PGPEP1L: variants seen among roughly 807,000 people sequenced by gnomAD.
PGPEP1L encodes the protein pyroglutamyl-peptidase I like.
PGPEP1L carries 7 observed loss-of-function variants against 6.0 expected under a neutral mutation model. That is an observed-to-expected ratio of 1.17 (90% CI 0.66 to 2.19). The LOEUF is 2.19. PGPEP1L is among the 30% of genes most tolerant of loss of function. The pLI, the probability that PGPEP1L is intolerant of heterozygous loss-of-function variation, is 0.00. For synonymous variants in PGPEP1L, 103 were observed against 83.9 expected (o/e 1.23, Z -1.24); for missense variants, 209 against 192.5 (o/e 1.09, Z -0.51).
Position 98,968,254 on chromosome 15 carries a change from T to C in PGPEP1L, c.*224A>G. On this transcript the variant is annotated 3_prime_UTR_variant, in exon 5 of 5. Transcript: ENST00000535714. ...TGACTCGGATTTCATTTTATTGTCA[T>C]GAAAACCATAACTGAAGCTAGTTCA... The C allele has an allele frequency of 1.7e-6, 1 of 571,772 alleles. No individual in the cohort carries two copies. The allele number at this position is 571,772 out of a possible 1,614,324, so 35.4% of individuals were successfully genotyped here. A position where few individuals can be genotyped will look rare whatever the true frequency, so the allele number is the denominator to read the frequency against.
chr15:98,970,890 A>T, intron 3 of PGPEP1L, 146 bp downstream of exon 3: 1 of 1,189,942 alleles, frequency 8.4e-7, no homozygotes, highest in Non-Finnish European at 1.2e-6. Context: ...AGAACCTTAC[A>T]CAATCAGCTG....
intron 2 of PGPEP1L, among the ~76,000 whole-genome samples, chr15:98,973,799 G>C (rs1436686217): frequency 6.6e-6 from 1 of 152,016 alleles, no homozygotes; most frequent in African/African-American, 2.4e-5. Context: ...TAAAGGAACT[G>C]GCACTAACCA....
At chr15:98,998,515 A>G (rs1415937277) in intron 2 of PGPEP1L, among the ~76,000 whole-genome samples, 1 of 152,228 alleles carries the variant, frequency 6.6e-6, no homozygotes, top group Non-Finnish European at 1.5e-5. Flanking sequence ...AATATGCCCA[A>G]TTGTTTGTTG....
At chr15:98,983,106 T>A (rs1285305753) in intron 2 of PGPEP1L, among the ~76,000 whole-genome samples, 1 of 150,660 alleles carries the variant, frequency 6.6e-6, no homozygotes, top group African/African-American at 2.5e-5. Flanking sequence ...TCACCTAGGT[T>A]GGAAAAAGGT....
rs375234710 is a variant in PGPEP1L, at chr15:98,971,848, GAGAT to G, written c.-141-694_-141-691del. 1.5e-3 allele frequency among the ~76,000 whole-genome samples: 234 copies of G among 152,342 alleles called. 3 individuals are homozygous for G. The highest frequency in any genetic ancestry group is 5.2e-3 in the African/African-American group (215 of 41,590). The stretch of plus-strand genomic sequence containing the variant: ...AAAAATAATTACTACAGTTGGTTGA[GAGAT>G]AGGCAACATAAAAAGATAAAACTGA... On this transcript the variant is annotated intron_variant, in intron 2 of 4. Coordinates refer to ENST00000535714, the MANE Select transcript of PGPEP1L (RefSeq NM_001167902.2).
chr15:98,981,686 G>A (rs1283342436), intron 2 of PGPEP1L, among the ~76,000 whole-genome samples: 2 of 152,094 alleles, frequency 1.3e-5, no homozygotes, highest in Non-Finnish European at 2.9e-5. Flanking sequence ...TTTATGTAAA[G>A]GTAATATATT....
At chr15:98,989,473 G>A (rs1178815116) in intron 2 of PGPEP1L, among the ~76,000 whole-genome samples, 1 of 152,190 alleles carries the variant, frequency 6.6e-6, no homozygotes, top group Non-Finnish European at 1.5e-5. Context: ...AGAAATATGG[G>A]ACTATGTGAA....
intron 2 of PGPEP1L, among the ~76,000 whole-genome samples, chr15:98,981,508 AAAAAC>A (rs1455670249): frequency 2.1e-5 from 3 of 139,670 alleles, no homozygotes; most frequent in African/African-American, 8.5e-5. Context: ...AAAAAAAAAC[AAAAAC>A]AAAACAAAAA....
chr15:98,974,613 G>A (rs1004782804), intron 2 of PGPEP1L, among the ~76,000 whole-genome samples: 2 of 151,954 alleles, frequency 1.3e-5, no homozygotes, highest in Non-Finnish European at 2.9e-5. Flanking sequence ...AAATTAATGA[G>A]GGGCCGGGCG....
At chr15:98,996,603 G>C (rs943159307) in intron 2 of PGPEP1L, among the ~76,000 whole-genome samples, 1 of 119,384 alleles carries the variant, frequency 8.4e-6, no homozygotes, top group Admixed American at 8.8e-5. Context: ...TATGCTTGTT[G>C]TATGTGTATA....
At chr15:98,991,439 CA>C (rs1241944789) in intron 2 of PGPEP1L, among the ~76,000 whole-genome samples, 1 of 152,158 alleles carries the variant, frequency 6.6e-6, no homozygotes, top group Non-Finnish European at 1.5e-5. Flanking sequence ...AGACCAATAA[CA>C]AGTTCTGAAA....
intron 2 of PGPEP1L, among the ~76,000 whole-genome samples, chr15:99,000,706 C>A (rs1425335022): frequency 6.6e-6 from 1 of 152,076 alleles, no homozygotes; most frequent in African/African-American, 2.4e-5. Flanking sequence ...GTGTCTAACT[C>A]AGGGATTATA....
chr15:98,994,300 T>C (rs912415870), intron 2 of PGPEP1L, among the ~76,000 whole-genome samples: 2 of 152,110 alleles, frequency 1.3e-5, no homozygotes, highest in Non-Finnish European at 2.9e-5. Context: ...ATTATCCTTC[T>C]TGGCCTATAA....
At chr15:98,994,033 C>A (rs1450172949) in intron 2 of PGPEP1L, among the ~76,000 whole-genome samples, 1 of 149,506 alleles carries the variant, frequency 6.7e-6, no homozygotes, top group Non-Finnish European at 1.5e-5. Flanking sequence ...TTTGGGAGGC[C>A]GAGGCAGGTG....
chr15:98,979,778 T>A (rs1050271728), intron 2 of PGPEP1L, among the ~76,000 whole-genome samples: 1 of 151,384 alleles, frequency 6.6e-6, no homozygotes, highest in Non-Finnish European at 1.5e-5. Context: ...GCCACCACAG[T>A]AGCTGGGACT....
intron 2 of PGPEP1L, among the ~76,000 whole-genome samples, chr15:98,997,642 C>G (rs572173671): frequency 2.6e-5 from 4 of 152,176 alleles, no homozygotes; most frequent in Non-Finnish European, 5.9e-5. Flanking sequence ...TCTCTGTGCC[C>G]AGGTGCTAAA....
chr15:99,006,339 T>G (rs1976573), intron 1 of PGPEP1L, among the ~76,000 whole-genome samples: 142,471 of 152,344 alleles, frequency 0.94, 66,657 homozygotes, highest in South Asian at 0.95. Context: ...AAAAGTGCTT[T>G]CTTGACACTG....
chr15:98,986,125 A>G (rs1225004418), intron 2 of PGPEP1L, among the ~76,000 whole-genome samples: 8 of 152,222 alleles, frequency 5.3e-5, no homozygotes, highest in African/African-American at 1.4e-4. Flanking sequence ...GAACTGTGGC[A>G]TAAGAGAGAG....
intron 2 of PGPEP1L, among the ~76,000 whole-genome samples, chr15:98,979,258 C>T (rs1395541690): frequency 6.6e-6 from 1 of 151,934 alleles, no homozygotes; most frequent in African/African-American, 2.4e-5. Context: ...AGTAAAAGTA[C>T]TGCTCAACTA....
Sources: allele counts gnomAD v4.1 joint callset (sites outside exome capture counted in the v4.1 genomes callset), GRCh38; gene constraint gnomAD v4.1.1; transcripts MANE v1.5; gene names NCBI Gene and HGNC (gene_info 2026-07-23, HGNC 2026-07-21).